Variants in SLC35F2 observed in about 807,000 individuals in gnomAD.
SLC35F2 encodes the protein solute carrier family 35 member F2, also known as queuine/queuosine transporter SLC35F2.
A neutral mutation model predicts 38.1 loss-of-function variants in SLC35F2; 25 were observed. The observed-to-expected ratio is 0.66, with a 90% confidence interval of 0.48 to 0.92. The LOEUF is 0.92. Among genes scored for constraint, SLC35F2 ranks in the 40% least tolerant of loss-of-function variants. The probability of loss-of-function intolerance (pLI) is 0.00; values close to 1 mark genes in which losing one functional copy is unlikely to be tolerated. For missense variants in SLC35F2, 409 were observed against 452.9 expected (o/e 0.90, Z 0.88); for synonymous variants, 173 against 181.7 (o/e 0.95, Z 0.38).
At chr11:107,850,814 C>CA (rs528066229) in intron 1 of SLC35F2, among the ~76,000 whole-genome samples, 2,688 of 121,302 alleles carry the variant, frequency 0.022, 41 homozygotes, top group African/African-American at 0.056. Context: ...ACTCCGTCTC[C>CA]AAAAAAAAAA....
chr11:107,804,962 T>C, intron 5 of SLC35F2, 192 bp from the exon 6 acceptor site: 1 of 828,022 alleles, frequency 1.2e-6, no homozygotes, highest in Non-Finnish European at 1.5e-6. Flanking sequence ...AAGATATGTT[T>C]GACTCCCTTA....
intron 3 of SLC35F2, among the ~76,000 whole-genome samples, chr11:107,807,235 T>G (rs67735614): frequency 0.16 from 21,220 of 132,076 alleles, 2,662 homozygotes; most frequent in East Asian, 0.45. Flanking sequence ...AGGAGTTCGA[T>G]ATCAGCCTGG....
In SLC35F2 at chr11:107,792,658, T is replaced by TTCAGCCCCAGG. The variant is rs1213723054; in HGVS notation, c.1071_1081dup (p.Lys361ThrfsTer4). 6.2e-7 allele frequency: 1 copy of TTCAGCCCCAGG among 1,613,560 alleles called. No homozygotes were observed. Among genetic ancestry groups the TTCAGCCCCAGG allele is most frequent in the African/African-American group, 1.3e-5 (1 of 74,896 alleles). On this transcript the variant is annotated stop_gained and frameshift_variant, in exon 8 of 8. Transcript: ENST00000525815. LOFTEE classifies it high-confidence loss of function. ...GGTCTCCTGGAGGTTCTCCTCCAGCTTCAGCCCCAGGTTGTCAATCCCAAT... is the reference window on the plus strand; with the variant it reads ...GGTCTCCTGGAGGTTCTCCTCCAGCTTCAGCCCCAGGTCAGCCCCAGGTTGTCAATCCCAAT...
intron 7 of SLC35F2, among the ~76,000 whole-genome samples, chr11:107,793,776 A>G (rs1859171445): frequency 6.6e-6 from 1 of 152,158 alleles, no homozygotes; most frequent in Non-Finnish European, 1.5e-5. Flanking sequence ...GAGCCCTGTG[A>G]GAGGCATCTC....
intron 7 of SLC35F2, among the ~76,000 whole-genome samples, chr11:107,793,166 C>T (rs1047181127): frequency 1.3e-5 from 2 of 152,254 alleles, no homozygotes; most frequent in Non-Finnish European, 2.9e-5. Context: ...ATCCGCCCGC[C>T]TCAGGCTCCC....
intron 1 of SLC35F2, among the ~76,000 whole-genome samples, chr11:107,824,789 C>T (rs564091571): frequency 6.6e-6 from 1 of 152,298 alleles, no homozygotes; most frequent in African/African-American, 2.4e-5. Context: ...TCTGGCTCGC[C>T]CTGTCTTTTG....
intron 2 of SLC35F2, 94 bp from the exon 3 acceptor site, chr11:107,811,888 GTTTT>G (rs969941022): frequency 8.5e-7 from 1 of 1,177,340 alleles, no homozygotes; most frequent in Non-Finnish European, 1.2e-6. Context: ...AGAGTTTCTT[GTTTT>G]TTTTTCTTTT....
At chr11:107,851,043 T>C (rs561890963) in intron 1 of SLC35F2, among the ~76,000 whole-genome samples, 2 of 150,414 alleles carry the variant, frequency 1.3e-5, no homozygotes, top group South Asian at 2.1e-4. Flanking sequence ...GGTGGGCGGA[T>C]CACAAGGTCA....
intron 7 of SLC35F2, among the ~76,000 whole-genome samples, chr11:107,802,242 A>AAATAAATAAATAAATAAAT (rs1859319840): frequency 2.7e-5 from 4 of 147,980 alleles, no homozygotes; most frequent in East Asian, 2.1e-4. Context: ...CATCTCAAAA[A>AAATAAATAAATAAATAAAT]AAATAAATAA....
chr11:107,817,040 G>A (rs909210406), intron 1 of SLC35F2, among the ~76,000 whole-genome samples: 1 of 152,150 alleles, frequency 6.6e-6, no homozygotes, highest in Non-Finnish European at 1.5e-5. Flanking sequence ...TACTTTGGGA[G>A]GCCGAGGCAG....
At chr11:107,801,816 A>G (rs765808954) in intron 7 of SLC35F2, among the ~76,000 whole-genome samples, 1 of 152,222 alleles carries the variant, frequency 6.6e-6, no homozygotes, top group Non-Finnish European at 1.5e-5. Context: ...TGCAGTGGCA[A>G]GAAGCCTGGA....
chr11:107,800,850 T>A (rs1218095101), intron 7 of SLC35F2, among the ~76,000 whole-genome samples: 1 of 151,972 alleles, frequency 6.6e-6, no homozygotes, highest in African/African-American at 2.4e-5. Context: ...TCCAAAATCC[T>A]TGAGGGGACC....
chr11:107,851,736 C>G (rs1303640442), intron 1 of SLC35F2, among the ~76,000 whole-genome samples: 1 of 152,020 alleles, frequency 6.6e-6, no homozygotes, highest in Non-Finnish European at 1.5e-5. Flanking sequence ...ATTCCTGACT[C>G]CTGGAGTCTA....
rs567633470 is a variant in SLC35F2, at chr11:107,800,828, C to T, written c.939+2173G>A. Among the ~76,000 whole-genome samples, 7 of 151,236 alleles carry T rather than the reference C, an allele frequency of 4.6e-5. No homozygotes were observed. In the South Asian group the frequency reaches 6.3e-4, roughly 14 times the overall value. On this transcript the variant is annotated intron_variant, in intron 7 of 7. Transcript: ENST00000525815. ...AAGAGGTATTTCTAAAGCAGGGGTT[C>T]TCAAAGTATAATCCAAAATCCTTGA...
chr11:107,802,284 T>C (rs184396062), intron 7 of SLC35F2, among the ~76,000 whole-genome samples: 6 of 148,364 alleles, frequency 4.0e-5, no homozygotes, highest in Non-Finnish European at 7.4e-5. Context: ...AATGAATGGC[T>C]CAATCAATTC....
chr11:107,792,268 C>A lies in SLC35F2; in HGVS notation c.*347G>T. 1 of 177,736 alleles carries A rather than the reference C, an allele frequency of 5.6e-6. No homozygotes were observed. The allele number at this position is 177,736 out of a possible 1,614,324, so 11.0% of individuals were successfully genotyped here. ...GACCACCAAGCCCAGCCTGGACAGCCTGCTTTCCCGCCCTGGCCTGAGGCT... is the reference window on the plus strand; with the variant it reads ...GACCACCAAGCCCAGCCTGGACAGCATGCTTTCCCGCCCTGGCCTGAGGCT... On this transcript the variant is annotated 3_prime_UTR_variant, in exon 8 of 8. Coordinates refer to ENST00000525815, the MANE Select transcript of SLC35F2 (RefSeq NM_017515.5).
intron 1 of SLC35F2, 153 bp downstream of exon 1, chr11:107,858,505 T>G: frequency 1.8e-6 from 1 of 561,244 alleles, no homozygotes; most frequent in Admixed American, 4.4e-5. Context: ...CCATACCTGG[T>G]GTGCGTGTTG....
At chr11:107,840,312 C>T (rs748849864) in intron 1 of SLC35F2, among the ~76,000 whole-genome samples, 50 of 152,218 alleles carry the variant, frequency 3.3e-4, no homozygotes, top group Admixed American at 3.9e-4. Flanking sequence ...ATCCCTGAGA[C>T]AGGCATACAA....
chr11:107,834,518 C>T (rs988825485), intron 1 of SLC35F2, among the ~76,000 whole-genome samples: 5 of 151,988 alleles, frequency 3.3e-5, no homozygotes, highest in African/African-American at 9.7e-5. Flanking sequence ...GGTGTGGTGG[C>T]GCATGTCTGT....
Sources: gnomAD v4.1 joint callset for allele counts (sites outside exome capture counted in the v4.1 genomes callset) on GRCh38, gnomAD v4.1.1 for gene constraint, MANE v1.5 for transcripts, NCBI Gene and HGNC (gene_info 2026-07-23, HGNC 2026-07-21) for gene names.